CEACAM4: variants seen among roughly 807,000 people sequenced by gnomAD.
The protein encoded by CEACAM4 is cell adhesion molecule CEACAM4.
Under a neutral mutation model 28.7 loss-of-function variants are expected in CEACAM4, and 30 were observed. The observed-to-expected ratio is 1.05, with a 90% CI of 0.78 to 1.42. The LOEUF (loss-of-function observed/expected upper bound fraction) is 1.42. CEACAM4 is among the 40% of genes most tolerant of loss of function. CEACAM4 has a pLI of 0.00. For synonymous variants in CEACAM4, 143 were observed against 126.5 expected, an observed-to-expected ratio of 1.13 and a Z score of -0.87; for missense variants, 330 against 308.2, an observed-to-expected ratio of 1.07 and a Z score of -0.53.
intron 4 of CEACAM4, 150 bp from the exon 5 acceptor site, chr19:41,620,392 C>G: frequency 2.3e-6 from 2 of 877,746 alleles, no homozygotes; most frequent in Non-Finnish European, 3.4e-6. Flanking sequence ...GAGGAGGTGA[C>G]CCACGACCCA....
chr19:41,618,138 A>G (rs992469299), downstream of CEACAM4, among the ~76,000 whole-genome samples: 9 of 152,096 alleles, frequency 5.9e-5, no homozygotes, highest in African/African-American at 2.2e-4. Flanking sequence ...CCCTCAGGGA[A>G]GGGCTGAGAA....
downstream of CEACAM4, among the ~76,000 whole-genome samples, chr19:41,618,566 G>A (rs1230595894): frequency 6.6e-6 from 1 of 152,186 alleles, no homozygotes; most frequent in Non-Finnish European, 1.5e-5. Flanking sequence ...GACAGTGATA[G>A]ACTGGGCCTC....
intron 1 of CEACAM4, among the ~76,000 whole-genome samples, chr19:41,626,486 A>G (rs2071672686): frequency 6.6e-6 from 1 of 152,166 alleles, no homozygotes; most frequent in South Asian, 2.1e-4. Flanking sequence ...ACTCCTGTAG[A>G]TGAGTTCATG....
chr19:41,626,063 AGTGT>A (rs61710351), intron 1 of CEACAM4, 103 bp from the exon 2 acceptor site: 17,033 of 647,342 alleles, frequency 0.026, 188 homozygotes, highest in African/African-American at 0.053. Context: ...TCAGCCTTGG[AGTGT>A]GTGTGTGTGT....
downstream of CEACAM4, among the ~76,000 whole-genome samples, chr19:41,616,728 G>A (rs782673281): frequency 2.7e-4 from 41 of 152,142 alleles, no homozygotes; most frequent in Admixed American, 4.6e-4. Context: ...TGGAGGAGCA[G>A]GATGCTGAGC....
chr19:41,618,134 G>C (rs2122421141), downstream of CEACAM4, among the ~76,000 whole-genome samples: 1 of 147,150 alleles, frequency 6.8e-6, no homozygotes, highest in South Asian at 2.1e-4. Context: ...GGGGCCCTCA[G>C]GGAAGGGCTG....
At chr19:41,621,029 A>T (rs1225586092) in intron 3 of CEACAM4, among the ~76,000 whole-genome samples, 1 of 152,018 alleles carries the variant, frequency 6.6e-6, no homozygotes, top group Non-Finnish European at 1.5e-5. Flanking sequence ...CATGTATCAT[A>T]TTCTCCCAGA....
At chr19:41,625,566 C>T (rs1008454813) in intron 2 of CEACAM4, 35 bp downstream of exon 2, 4 of 1,544,198 alleles carry the variant, frequency 2.6e-6, no homozygotes, top group Admixed American at 2.0e-5. Context: ...GCAGAACTGA[C>T]CGCCAGCACC....
At chr19:41,619,419 C>T (rs1025913498) in intron 6 of CEACAM4, 24 bp from the exon 7 acceptor site, 2 of 1,612,386 alleles carry the variant, frequency 1.2e-6, no homozygotes, top group African/African-American at 2.7e-5. Context: ...GAAGAGGCCT[C>T]AACCCCTGTA....
chr19:41,616,788 C>A (rs1447745562), downstream of CEACAM4, among the ~76,000 whole-genome samples: 3 of 152,042 alleles, frequency 2.0e-5, no homozygotes, highest in African/African-American at 7.2e-5. Flanking sequence ...AGGTCAGGCA[C>A]AGAGAATCAG....
chr19:41,624,380 C>G (rs2071504578), intron 2 of CEACAM4, among the ~76,000 whole-genome samples: 1 of 152,146 alleles, frequency 6.6e-6, no homozygotes, highest in Admixed American at 6.5e-5. Flanking sequence ...GAATGATACC[C>G]ACACATCAGA....
intron 6 of CEACAM4, 51 bp from the exon 7 acceptor site, chr19:41,619,446 G>A: frequency 6.2e-7 from 1 of 1,603,870 alleles, no homozygotes; most frequent in South Asian, 1.1e-5. Context: ...TCAGAACAGT[G>A]TCTGGCATCT....
intron 5 of CEACAM4, 23 bp downstream of exon 5, chr19:41,620,188 G>A (rs1555800593): frequency 2.0e-6 from 3 of 1,492,962 alleles, no homozygotes; most frequent in Admixed American, 2.7e-5. Context: ...AGTAGAAAAG[G>A]GCTGGGGAGG....
chr19:41,619,426 T>C (rs782040046), intron 6 of CEACAM4, 31 bp from the exon 7 acceptor site: 3 of 1,610,952 alleles, frequency 1.9e-6, no homozygotes, highest in Non-Finnish European at 2.5e-6. Context: ...CCTCAACCCC[T>C]GTAGCCTTCT....
chr19:41,617,406 TGAG>T (rs1555799138), downstream of CEACAM4, among the ~76,000 whole-genome samples: 1 of 152,166 alleles, frequency 6.6e-6, no homozygotes, highest in Non-Finnish European at 1.5e-5. Context: ...TGAACGATGA[TGAG>T]AAGATGGCCT....
downstream of CEACAM4, among the ~76,000 whole-genome samples, chr19:41,615,506 T>C (rs1166481060): frequency 6.6e-6 from 1 of 151,988 alleles, no homozygotes; most frequent in Non-Finnish European, 1.5e-5. Flanking sequence ...AAAATGTACA[T>C]GGCATGGACC....
rs116767719 is a variant in CEACAM4 at position 41,626,222 on chromosome 19, C to T, written c.65-262G>A. On this transcript the variant is annotated intron_variant, in intron 1 of 6. Transcript: ENST00000221954. ...TCCCCAGGGGTCTGCACGGCTCCCT[C>T]CCCACTGCCCTCAGATCCTGCTCAC... Among the ~76,000 whole-genome samples, 625 of 152,130 alleles carry T rather than the reference C, an allele frequency of 4.1e-3. 3 individuals carry two copies. Among genetic ancestry groups the T allele is most frequent in the African/African-American group, 0.014 (596 of 41,460 alleles).
At position 41,619,405 on chromosome 19, in the gene CEACAM4, C is replaced by G; in HGVS notation, c.670-10G>C. 6.2e-7 allele frequency: 1 copy of G among 1,613,794 alleles called. No homozygotes were observed. ...CAGAGTATAGCAATTCCTGTAAAAA[C>G]AGAGAAGAGGCCTCAACCCCTGTAG... On this transcript the variant is annotated splice_polypyrimidine_tract_variant and intron_variant, in intron 6 of 6. Coordinates refer to ENST00000221954, the MANE Select transcript of CEACAM4 (RefSeq NM_001817.4).
At chr19:41,626,799 G>C (rs2071693249) in intron 1 of CEACAM4, 101 bp downstream of exon 1, 1 of 983,806 alleles carries the variant, frequency 1.0e-6, no homozygotes, top group Non-Finnish European at 1.5e-6. Context: ...CAGAGCCCCA[G>C]GAGACCCCAG....
Sources: gnomAD v4.1 joint callset for allele counts (sites outside exome capture counted in the v4.1 genomes callset) on GRCh38, gnomAD v4.1.1 for gene constraint, MANE v1.5 for transcripts, NCBI Gene and HGNC (gene_info 2026-07-23, HGNC 2026-07-21) for gene names.